The following TET2 variants were observed in gnomAD, a reference collection of about 807,000 sequenced individuals.
TET2 encodes the protein methylcytosine dioxygenase TET2.
TET2 carries 299 observed loss-of-function variants against 142.9 expected under a neutral mutation model. The ratio of observed to expected loss-of-function variants is 2.09; its 90% CI spans 1.90 to 2.30. TET2 has a LOEUF of 2.30. Among genes scored for constraint, TET2 ranks in the 30% most tolerant of loss-of-function variants. The pLI is 0.00. For missense variants in TET2, 2,418 were observed against 2,378.0 expected, an observed-to-expected ratio of 1.02 and a Z score of -0.35; for synonymous variants, 819 against 849.0, an observed-to-expected ratio of 0.96 and a Z score of 0.61.
chr4:105,190,980 G>C (rs1007013046), intron 2 of TET2, among the ~76,000 whole-genome samples: 1 of 152,166 alleles, frequency 6.6e-6, no homozygotes, highest in African/African-American at 2.4e-5. Flanking sequence ...TGACAATTTG[G>C]TGCCATAGAA....
At chr4:105,177,016 G>A (rs922152015) in intron 1 of TET2, among the ~76,000 whole-genome samples, 2 of 152,204 alleles carry the variant, frequency 1.3e-5, no homozygotes, top group Admixed American at 6.5e-5. Flanking sequence ...ATGGAGCAAA[G>A]ATGGTCTTTT....
intron 7 of TET2, among the ~76,000 whole-genome samples, chr4:105,260,537 T>G (rs576393869): frequency 6.6e-6 from 1 of 152,264 alleles, no homozygotes; most frequent in South Asian, 2.1e-4. Flanking sequence ...CTCAGTATAT[T>G]TAGCATTTAG....
chr4:105,242,595 C>T (rs1169102763), intron 4 of TET2: 10 of 1,225,638 alleles, frequency 8.2e-6, no homozygotes, highest in Non-Finnish European at 8.2e-6. Flanking sequence ...TTTTCACCCA[C>T]ATGTAATTTA....
chr4:105,220,217 G>C (rs1472862019), intron 2 of TET2, among the ~76,000 whole-genome samples: 1 of 151,908 alleles, frequency 6.6e-6, no homozygotes, highest in Non-Finnish European at 1.5e-5. Context: ...CCCATTTGTT[G>C]GCCTTATGTA....
At chr4:105,255,138 A>G (rs1031058650) in intron 6 of TET2, among the ~76,000 whole-genome samples, 4 of 152,088 alleles carry the variant, frequency 2.6e-5, no homozygotes, top group Admixed American at 6.6e-5. Flanking sequence ...TCTTCAGTCA[A>G]TTTTAGTAGT....
intron 1 of TET2, among the ~76,000 whole-genome samples, chr4:105,161,049 C>G (rs1443028138): frequency 6.6e-6 from 1 of 152,166 alleles, no homozygotes; most frequent in Non-Finnish European, 1.5e-5. Context: ...GCTGGGATTA[C>G]AGGTGTTTTT....
rs1728958116 is a variant in TET2 at position 105,236,829 on chromosome 4, C to T, written c.2887C>T (p.Gln963Ter). Residue 963 changes from glutamine (Q) to a stop codon, truncating the protein, a stop_gained, in exon 3 of 11, where the codon CAG becomes TAG. Coordinates refer to ENST00000380013, the MANE Select transcript of TET2 (RefSeq NM_001127208.3). LOFTEE classifies it high-confidence loss of function. Reference protein sequence around the residue: ...RWHLLQKQEQQQTQQPQTESC... With the variant: ...RWHLLQKQEQ ...GCATCTCTTACAGAAGCAAGAACAG[C>T]AGCAAACACAGCAACCCCAAACTGA... 6.2e-7 allele frequency: 1 copy of T among 1,614,102 alleles called. No homozygotes were observed. The highest frequency in any genetic ancestry group is 8.5e-7 in the Non-Finnish European group (1 of 1,180,008).
chr4:105,184,393 G>A (rs1243347512), intron 1 of TET2, among the ~76,000 whole-genome samples: 1 of 152,036 alleles, frequency 6.6e-6, no homozygotes, highest in Non-Finnish European at 1.5e-5. Context: ...ATAACTGGTG[G>A]TTGATATTTC....
At chr4:105,172,074 G>A (rs971763507) in intron 1 of TET2, among the ~76,000 whole-genome samples, 3 of 152,146 alleles carry the variant, frequency 2.0e-5, no homozygotes, top group Non-Finnish European at 2.9e-5. Context: ...AACATTCTGT[G>A]AAATTTCACT....
At chr4:105,174,442 G>A (rs1724662585) in intron 1 of TET2, among the ~76,000 whole-genome samples, 1 of 152,020 alleles carries the variant, frequency 6.6e-6, no homozygotes, top group East Asian at 1.9e-4. Flanking sequence ...TGAATGAATT[G>A]GAAAATTAAC....
In TET2 at chr4:105,243,757, G is replaced by GC; in HGVS notation, c.3784dup (p.Arg1262ProfsTer6). The GC allele has an allele frequency of 6.4e-7, 1 of 1,551,394 alleles. No individual in the cohort carries two copies. The highest frequency in any genetic ancestry group is 8.7e-7 in the Non-Finnish European group (1 of 1,146,852). ...AGGAAATACGGCACGCTCACCAATC[G>GC]CCGGTGTGCCTTGAATGAAGAGTAA... On this transcript the variant is annotated frameshift_variant, in exon 6 of 11. Coordinates refer to ENST00000380013, the MANE Select transcript of TET2 (RefSeq NM_001127208.3). LOFTEE classifies it high-confidence loss of function.
rs587778701 is a variant in TET2 at position 105,276,514 on chromosome 4, A to G, written c.6004A>G (p.Ile2002Val). 9.0e-6 allele frequency: 14 copies of G among 1,548,172 alleles called. No homozygotes were observed. In the South Asian group the frequency reaches 1.7e-4, roughly 18 times the overall value. Residue 2002 changes from isoleucine (I) to valine (V), a missense_variant, in exon 11 of 11, where the codon ATA becomes GTA. Physicochemically the swap from Ile to Val is conservative, Grantham distance 29. Transcript: ENST00000380013. ...TRVTGPYNRY[I>V] Reference sequence around the variant, plus strand: ...GGTCACAGGGCCTTACAACAGATATATATGATATCACCCCCTTTTGTTGGT... The same window carrying G: ...GGTCACAGGGCCTTACAACAGATATGTATGATATCACCCCCTTTTGTTGGT...
chr4:105,164,931 C>A (rs186505370), intron 1 of TET2, among the ~76,000 whole-genome samples: 1 of 152,088 alleles, frequency 6.6e-6, no homozygotes, highest in East Asian at 1.9e-4. Flanking sequence ...TTATTAGATA[C>A]AATGAAAAGA....
chr4:105,200,206 A>G (rs752104639), intron 2 of TET2, among the ~76,000 whole-genome samples: 2 of 151,938 alleles, frequency 1.3e-5, no homozygotes, highest in Non-Finnish European at 2.9e-5. Context: ...CTAACGTGTT[A>G]TTTTTTGACT....
intron 2 of TET2, among the ~76,000 whole-genome samples, chr4:105,209,732 G>A (rs146895452): frequency 2.4e-4 from 36 of 152,290 alleles, no homozygotes; most frequent in Admixed American, 3.9e-4. Context: ...AGGTAGCCAT[G>A]AAAGAATTAT....
At chr4:105,267,862 A>C (rs1278738683) in intron 8 of TET2, among the ~76,000 whole-genome samples, 2 of 152,090 alleles carry the variant, frequency 1.3e-5, no homozygotes, top group Non-Finnish European at 2.9e-5. Context: ...TAACAGGAAA[A>C]AATATGATTA....
At chr4:105,242,998 A>T in intron 5 of TET2, 71 bp downstream of exon 5, 1 of 1,267,004 alleles carries the variant, frequency 7.9e-7, no homozygotes, top group Non-Finnish European at 1.1e-6. Flanking sequence ...GACCCTGAGA[A>T]TTGGGTTACC....
chr4:105,255,802 CAT>C (rs1013294967), intron 6 of TET2, among the ~76,000 whole-genome samples: 10 of 151,992 alleles, frequency 6.6e-5, no homozygotes, highest in African/African-American at 2.4e-4. Context: ...ATACATTTAA[CAT>C]AATTATTGAT....
rs1368741274 is a variant in TET2, at chr4:105,275,801, A to G, written c.5291A>G (p.His1764Arg). ...CATCATTCACCTTCTCACATAATCC[A>G]TAACTACAGTGCAGCTCCGGGCATG... ...GEHHSPSHIIHNYSAAPGMFN... is the reference protein window; with the variant it reads ...GEHHSPSHIIRNYSAAPGMFN... The change falls in exon 11 of 11, where the codon CAT (histidine) becomes CGT (arginine). Residue 1764 changes from histidine to arginine, a missense_variant. Coordinates refer to ENST00000380013, the MANE Select transcript of TET2 (RefSeq NM_001127208.3). The G allele has an allele frequency of 3.9e-6, 6 of 1,551,622 alleles. No individual in the cohort carries two copies. The highest frequency in any genetic ancestry group is 4.4e-6 in the Non-Finnish European group (5 of 1,147,002).
Sources: allele counts gnomAD v4.1 joint callset (sites outside exome capture counted in the v4.1 genomes callset), GRCh38; gene constraint gnomAD v4.1.1; transcripts MANE v1.5; gene names NCBI Gene and HGNC (gene_info 2026-07-23, HGNC 2026-07-21).